NUP98: variants seen among roughly 807,000 people sequenced by gnomAD.
NUP98 encodes nuclear pore complex protein Nup98-Nup96.
In NUP98, 26 loss-of-function variants were observed where a neutral mutation model predicts 191.9. The ratio of observed to expected loss-of-function variants is 0.14; its 90% CI spans 0.10 to 0.19. The LOEUF is 0.19. Ranked by LOEUF, NUP98 falls within the 10% of genes least tolerant of loss-of-function variation. The pLI is 1.00. For missense variants in NUP98, 1,941 were observed against 2,178.8 expected (o/e 0.89, Z 2.17); for synonymous variants, 808 against 778.4 (o/e 1.04, Z -0.63).
At chr11:3,679,745 A>G in intron 30 of NUP98, 37 bp from the exon 31 acceptor site, 3 of 1,590,224 alleles carry the variant, frequency 1.9e-6, no homozygotes, top group Non-Finnish European at 2.6e-6. Context: ...TGTCTGCACA[A>G]GTGCATAGTT....
At chr11:3,693,172 A>C in intron 27 of NUP98, 60 bp downstream of exon 27, 11 of 1,571,188 alleles carry the variant, frequency 7.0e-6, no homozygotes, top group Non-Finnish European at 9.6e-6. Context: ...GCTCCGCTTC[A>C]ATTTGACAAT....
chr11:3,721,896 G>A (rs901684568), intron 16 of NUP98, among the ~76,000 whole-genome samples: 5 of 152,076 alleles, frequency 3.3e-5, no homozygotes, highest in African/African-American at 7.2e-5. Flanking sequence ...TGAGAGAAAA[G>A]TATTTCAGGC....
At chr11:3,751,506 A>G (rs7937928) in intron 11 of NUP98, among the ~76,000 whole-genome samples, 30,273 of 152,178 alleles carry the variant, frequency 0.2, 3,083 homozygotes, top group Non-Finnish European at 0.22. Context: ...CACAGCTGAA[A>G]AAGACTGGAC....
chr11:3,682,729 T>C (rs776891357), intron 30 of NUP98, among the ~76,000 whole-genome samples: 4 of 152,186 alleles, frequency 2.6e-5, no homozygotes, highest in Non-Finnish European at 5.9e-5. Context: ...GAGACAGACA[T>C]GAAGTAAACA....
intron 7 of NUP98, among the ~76,000 whole-genome samples, chr11:3,769,575 C>CAAA (rs34035817): frequency 3.1e-4 from 19 of 61,658 alleles, no homozygotes; most frequent in African/African-American, 8.0e-4. Context: ...GATTCTGTCT[C>CAAA]AAAAAAAAAA....
At position 3,699,211 on chromosome 11, in the gene NUP98, A is replaced by T; in HGVS notation, c.3880T>A (p.Ser1294Thr). 1 of 1,614,192 alleles carries T rather than the reference A, an allele frequency of 6.2e-7. No individual in the cohort carries two copies. Among genetic ancestry groups the T allele is most frequent in the Non-Finnish European group, 8.5e-7 (1 of 1,180,052 alleles). ...TCAATCTGAGGTGTGGCAGTACAGGATAGCCAGCGGGAGAAAGCTCTTCTT... is the reference window on the plus strand; with the variant it reads ...TCAATCTGAGGTGTGGCAGTACAGGTTAGCCAGCGGGAGAAAGCTCTTCTT... ...ERRRAFSRWLSCTATPQIEEE... is the reference protein window; with the variant it reads ...ERRRAFSRWLTCTATPQIEEE... Residue 1294 changes from serine (S) to threonine (T), a missense_variant, in exon 25 of 33, where the codon TCC becomes ACC. Coordinates refer to ENST00000324932, the MANE Select transcript of NUP98 (RefSeq NM_016320.5).
At chr11:3,788,041 G>C (rs377204120) in intron 1 of NUP98, among the ~76,000 whole-genome samples, 2 of 152,004 alleles carry the variant, frequency 1.3e-5, no homozygotes, top group African/African-American at 4.8e-5. Context: ...CCCCGATTAC[G>C]TAAACTAGTG....
At position 3,691,377 on chromosome 11, in the gene NUP98, C is replaced by G. The variant is rs775097097; in HGVS notation, c.4424G>C (p.Cys1475Ser). 1.1e-5 allele frequency: 18 copies of G among 1,614,048 alleles called. No homozygotes were observed. Among genetic ancestry groups the G allele is most frequent in the Admixed American group, 1.0e-4 (6 of 59,992 alleles). The change falls in exon 28 of 33, where the codon TGC becomes TCC. Residue 1475 changes from cysteine (C) to serine (S), a missense_variant. Cys to Ser is a moderately radical substitution (Grantham distance 112). This residue lies in a region of NUP98 where 1,030 missense variants were observed against 1,115.8 expected (regional missense o/e 0.92). Coordinates refer to ENST00000324932, the MANE Select transcript of NUP98 (RefSeq NM_016320.5). ...ACTGTAGAGTTTTAGAAGGTGAAAG[C>G]AGACATCTCGAAGTGGTGTCTGTGA... ...QNSQTPLRDV[C>S]FHLLKLYSDR...
chr11:3,769,332 G>A (rs1424314471), intron 7 of NUP98, among the ~76,000 whole-genome samples: 1 of 152,034 alleles, frequency 6.6e-6, no homozygotes, highest in African/African-American at 2.4e-5. Context: ...AGACCGAGGT[G>A]GGTATATGGC....
chr11:3,702,913 A>C (rs749191750), intron 22 of NUP98, 21 bp from the exon 23 acceptor site: 1 of 1,571,656 alleles, frequency 6.4e-7, no homozygotes, highest in East Asian at 2.2e-5. Flanking sequence ...GCGGGAATGA[A>C]GGGGAGAAAG....
At chr11:3,740,372 G>T (rs916682533) in intron 12 of NUP98, among the ~76,000 whole-genome samples, 1 of 151,964 alleles carries the variant, frequency 6.6e-6, no homozygotes, top group Non-Finnish European at 1.5e-5. Context: ...TTAGCCGGGC[G>T]TGGTGACATG....
At chr11:3,756,565 G>A (rs2134467721) in intron 10 of NUP98, among the ~76,000 whole-genome samples, 1 of 152,038 alleles carries the variant, frequency 6.6e-6, no homozygotes, top group South Asian at 2.1e-4. Flanking sequence ...TGGGATTACA[G>A]GCATGCACCA....
At chr11:3,754,217 A>G in intron 10 of NUP98, among the ~76,000 whole-genome samples, 1 of 151,752 alleles carries the variant, frequency 6.6e-6, no homozygotes, top group East Asian at 2.0e-4. Context: ...TCATGAGGTC[A>G]AGAGTTCGAG....
chr11:3,791,362 A>G (rs945831167), intron 1 of NUP98, among the ~76,000 whole-genome samples: 1 of 149,464 alleles, frequency 6.7e-6, no homozygotes, highest in Non-Finnish European at 1.5e-5. Context: ...GTGAAACCTC[A>G]TCTCTACTAA....
At chr11:3,716,652 G>A (rs901172076) in intron 18 of NUP98, among the ~76,000 whole-genome samples, 1 of 152,006 alleles carries the variant, frequency 6.6e-6, no homozygotes, top group Non-Finnish European at 1.5e-5. Context: ...AGGTTGCAGA[G>A]AGTCATGATC....
chr11:3,757,824 T>A (rs1564892601), intron 10 of NUP98, among the ~76,000 whole-genome samples: 1 of 150,458 alleles, frequency 6.6e-6, no homozygotes, highest in Non-Finnish European at 1.5e-5. Context: ...GAAATAATAT[T>A]TAATTTTGAA....
Position 3,782,057 on chromosome 11 carries a change from A to C in NUP98, c.61T>G (p.Ser21Ala), listed in dbSNP as rs769672824. The part of the protein sequence containing the change: ...GGGTGGFGTT[S>A]TFGQNTGFGT... ...AAAAACTTACTCTGTCCAAATGTTG[A>C]AGTTGTGCCAAAGCCACCTGTGCCA... Residue 21 changes from serine to alanine, a missense_variant, in exon 2 of 33, where the codon TCA becomes GCA. Coordinates refer to ENST00000324932, the MANE Select transcript of NUP98 (RefSeq NM_016320.5). The C allele has an allele frequency of 8.7e-6, 14 of 1,612,568 alleles. No homozygotes were observed.
chr11:3,690,417 G>A (rs1158148000), intron 28 of NUP98, among the ~76,000 whole-genome samples: 4 of 151,882 alleles, frequency 2.6e-5, no homozygotes, highest in Non-Finnish European at 4.4e-5. Context: ...CCGCCACCAC[G>A]TCCAGATAAT....
chr11:3,680,870 CTTTTCT>C (rs2077963419), intron 30 of NUP98, among the ~76,000 whole-genome samples: 1 of 151,722 alleles, frequency 6.6e-6, no homozygotes, highest in Non-Finnish European at 1.5e-5. Context: ...TTTTGTTTTT[CTTTTCT>C]TTAAGACAGG....
Sources: gnomAD v4.1 joint callset for allele counts (sites outside exome capture counted in the v4.1 genomes callset) on GRCh38, gnomAD v4.1.1 for gene constraint, gnomAD v4.1.1 regional missense constraint, MANE v1.5 for transcripts, NCBI Gene and HGNC (gene_info 2026-07-23, HGNC 2026-07-21) for gene names.